ADGRL3: variants seen among roughly 807,000 people sequenced by gnomAD.
The protein encoded by ADGRL3 is calcium-independent alpha-latrotoxin receptor 3.
Under a neutral mutation model 153.5 loss-of-function variants are expected in ADGRL3, and 62 were observed. That is an observed-to-expected ratio of 0.40 (90% CI 0.33 to 0.50). The LOEUF (loss-of-function observed/expected upper bound fraction) is 0.50. Among genes scored for constraint, ADGRL3 ranks in the 20% least tolerant of loss-of-function variants. The probability of loss-of-function intolerance (pLI) is 0.47; values close to 1 mark genes in which losing one functional copy is unlikely to be tolerated. For missense variants in ADGRL3, 1,641 were observed against 1,859.4 expected, an observed-to-expected ratio of 0.88 and a Z score of 2.16; for synonymous variants, 710 against 672.5, an observed-to-expected ratio of 1.06 and a Z score of -0.86.
chr4:61,852,694 A>C (rs2098220452), intron 9 of ADGRL3, among the ~76,000 whole-genome samples: 1 of 152,196 alleles, frequency 6.6e-6, no homozygotes, highest in Admixed American at 6.5e-5. Context: ...TGTTTAGTAC[A>C]TTTAGTTAGA....
chr4:61,874,222 T>A (rs1225464690), intron 9 of ADGRL3, among the ~76,000 whole-genome samples: 2 of 152,172 alleles, frequency 1.3e-5, no homozygotes, highest in South Asian at 4.1e-4. Context: ...TCCAAGCTCA[T>A]GTGGTTGTTG....
intron 4 of ADGRL3, among the ~76,000 whole-genome samples, chr4:61,554,187 T>C (rs1277119691): frequency 6.6e-6 from 1 of 150,864 alleles, no homozygotes; most frequent in African/African-American, 2.4e-5. Context: ...TTTTATTTTA[T>C]TTTATTTTAT....
intron 5 of ADGRL3, among the ~76,000 whole-genome samples, chr4:61,601,321 T>G (rs763268129): frequency 4.6e-5 from 7 of 152,194 alleles, no homozygotes; most frequent in Non-Finnish European, 7.4e-5. Flanking sequence ...CTCTTTAATA[T>G]TCTACCATTC....
intron 11 of ADGRL3, among the ~76,000 whole-genome samples, chr4:61,904,609 C>T (rs1451456620): frequency 6.6e-6 from 1 of 151,672 alleles, no homozygotes; most frequent in Non-Finnish European, 1.5e-5. Context: ...CCTTCTTTTC[C>T]ACCTTTTCGT....
Position 61,309,410 on chromosome 4 carries a change from C to T in ADGRL3, c.-239-73714C>T, listed in dbSNP as rs552996969. ...TAACCCCTGGAGTATGTTACAAGCACCTTATTTACTCATTGCATATGTGTG... is the reference window on the plus strand; with the variant it reads ...TAACCCCTGGAGTATGTTACAAGCATCTTATTTACTCATTGCATATGTGTG... On this transcript the variant is annotated intron_variant, in intron 1 of 26. Transcript: ENST00000683033. 3.9e-5 allele frequency among the ~76,000 whole-genome samples: 6 copies of T among 152,210 alleles called. No homozygotes were observed. The South Asian group carries it at 1.2e-3, about 32-fold the overall frequency.
chr4:61,254,767 C>T (rs2091797342), intron 1 of ADGRL3, among the ~76,000 whole-genome samples: 1 of 152,114 alleles, frequency 6.6e-6, no homozygotes, highest in Non-Finnish European at 1.5e-5. Flanking sequence ...GACAGGCATC[C>T]AGGATGGATG....
Position 61,936,977 on chromosome 4 carries a change from A to G in ADGRL3, c.2419+932A>G, listed in dbSNP as rs375590004. Reference sequence around the variant, plus strand: ...AGAAAAACAACTTACATTTGTTGTCATCTGAATAAAATGGTCTGTAAATGT... The same window carrying G: ...AGAAAAACAACTTACATTTGTTGTCGTCTGAATAAAATGGTCTGTAAATGT... On this transcript the variant is annotated intron_variant, in intron 15 of 26. Coordinates refer to ENST00000683033, the MANE Select transcript of ADGRL3 (RefSeq NM_001387552.1). 3.9e-5 allele frequency among the ~76,000 whole-genome samples: 6 copies of G among 152,312 alleles called. 1 individual carries two copies. Among genetic ancestry groups the G allele is most frequent in the African/African-American group, 1.2e-4 (5 of 41,576 alleles).
At chr4:62,004,243 A>G (rs899755726) in intron 21 of ADGRL3, among the ~76,000 whole-genome samples, 3 of 152,018 alleles carry the variant, frequency 2.0e-5, no homozygotes, top group Non-Finnish European at 4.4e-5. Flanking sequence ...CTTATGAAAA[A>G]TGCATCTTAA....
intron 21 of ADGRL3, among the ~76,000 whole-genome samples, chr4:62,007,053 T>A (rs1560497103): frequency 6.6e-6 from 1 of 152,020 alleles, no homozygotes; most frequent in Non-Finnish European, 1.5e-5. Flanking sequence ...CACTGTATCA[T>A]CTTGTGGTCC....
intron 21 of ADGRL3, among the ~76,000 whole-genome samples, chr4:62,012,502 A>C (rs1049903509): frequency 2.0e-5 from 3 of 152,208 alleles, no homozygotes; most frequent in African/African-American, 4.8e-5. Context: ...CAAACCTCAG[A>C]GCTAGTTAGT....
chr4:61,326,599 ATGTGTGTG>A (rs34387631), intron 1 of ADGRL3, among the ~76,000 whole-genome samples: 7 of 140,730 alleles, frequency 5.0e-5, no homozygotes, highest in East Asian at 2.1e-4. Context: ...ATGCCAGATA[ATGTGTGTG>A]TGTGTGTGTG....
chr4:61,517,817 C>T (rs1034544294), intron 4 of ADGRL3, among the ~76,000 whole-genome samples: 1 of 152,088 alleles, frequency 6.6e-6, no homozygotes, highest in Non-Finnish European at 1.5e-5. Context: ...TTTAGTGACA[C>T]TTTCAACTCT....
At chr4:61,847,865 A>C (rs2098144384) in intron 9 of ADGRL3, among the ~76,000 whole-genome samples, 1 of 20,646 alleles carries the variant, frequency 4.8e-5, no homozygotes, top group East Asian at 9.3e-4. Context: ...TATATATAAT[A>C]TAAAATATAT....
chr4:61,425,633 C>T (rs557408275), intron 2 of ADGRL3, among the ~76,000 whole-genome samples: 17 of 152,212 alleles, frequency 1.1e-4, no homozygotes, highest in Non-Finnish European at 2.1e-4. Context: ...GGTGGTGCTC[C>T]CCATGGTTCC....
intron 5 of ADGRL3, among the ~76,000 whole-genome samples, chr4:61,608,336 G>A (rs2099040634): frequency 6.6e-6 from 1 of 152,150 alleles, no homozygotes; most frequent in Non-Finnish European, 1.5e-5. Context: ...CATAAACACT[G>A]TTCATATTAA....
intron 8 of ADGRL3, among the ~76,000 whole-genome samples, chr4:61,763,834 T>A (rs1364212643): frequency 2.6e-5 from 4 of 152,146 alleles, no homozygotes; most frequent in African/African-American, 9.7e-5. Flanking sequence ...AGACATAGTA[T>A]AATACCAAAC....
chr4:61,898,531 T>G (rs1165373736), intron 11 of ADGRL3, among the ~76,000 whole-genome samples: 2 of 152,004 alleles, frequency 1.3e-5, no homozygotes, highest in African/African-American at 4.8e-5. Flanking sequence ...AGATGGTGTC[T>G]GATTTATGTA....
intron 8 of ADGRL3, among the ~76,000 whole-genome samples, chr4:61,759,440 AC>A (rs1378042207): frequency 1.3e-5 from 2 of 152,150 alleles, no homozygotes; most frequent in African/African-American, 4.8e-5. Context: ...CATCACTGAT[AC>A]GCTTTCTTCC....
intron 2 of ADGRL3, among the ~76,000 whole-genome samples, chr4:61,419,830 C>T (rs1319051823): frequency 7.4e-5 from 11 of 148,284 alleles, no homozygotes; most frequent in Admixed American, 4.7e-4. Context: ...GTTTTGCTCT[C>T]GTCACCTAGG....
Sources: allele counts gnomAD v4.1 joint callset (sites outside exome capture counted in the v4.1 genomes callset), GRCh38; gene constraint gnomAD v4.1.1; transcripts MANE v1.5; gene names NCBI Gene and HGNC (gene_info 2026-07-23, HGNC 2026-07-21).